Variants in MMEL1 observed in about 807,000 individuals in gnomAD.
MMEL1 encodes the protein membrane metallo-endopeptidase-like 1.
In MMEL1, 98 loss-of-function variants were observed where a neutral mutation model predicts 117.1. The ratio of observed to expected loss-of-function variants is 0.84; its 90% CI spans 0.71 to 0.99. The LOEUF is 0.99. Among genes scored for constraint, MMEL1 ranks in the 50% least tolerant of loss-of-function variants. The pLI, the probability that MMEL1 is intolerant of heterozygous loss-of-function variation, is 0.00. For synonymous variants in MMEL1, 390 were observed against 415.1 expected (o/e 0.94, Z 0.74); for missense variants, 1,014 against 1,049.1 (o/e 0.97, Z 0.46).
chr1:2,621,276 C>A (rs1009688677), intron 2 of MMEL1, among the ~76,000 whole-genome samples: 11 of 152,152 alleles, frequency 7.2e-5, no homozygotes, highest in African/African-American at 9.7e-5. Context: ...CAGAGTGAGA[C>A]CCTGTCTCAA....
intron 6 of MMEL1, among the ~76,000 whole-genome samples, chr1:2,608,335 G>C (rs1344968132): frequency 6.6e-6 from 1 of 152,144 alleles, no homozygotes; most frequent in Non-Finnish European, 1.5e-5. Context: ...CCCCCAAGTG[G>C]AGGAGTTAAA....
At chr1:2,613,908 G>A (rs566747310) in intron 2 of MMEL1, among the ~76,000 whole-genome samples, 2 of 152,258 alleles carry the variant, frequency 1.3e-5, no homozygotes, top group Admixed American at 1.3e-4. Flanking sequence ...CATACTGTCT[G>A]ATTCCAATTA....
chr1:2,597,698 A>C lies in MMEL1; in HGVS notation c.1272+509T>G, dbSNP rs1644864986. Reference sequence around the variant, plus strand: ...GCCCTGGAGCAGCCACAGTGACTACAGGAGCAGCATATCTGACCGCGTCTC... The same window carrying C: ...GCCCTGGAGCAGCCACAGTGACTACCGGAGCAGCATATCTGACCGCGTCTC... On this transcript the variant is annotated intron_variant, in intron 13 of 23. Coordinates refer to ENST00000378412, the MANE Select transcript of MMEL1 (RefSeq NM_033467.4). Among the ~76,000 whole-genome samples the C allele has an allele frequency of 1.3e-5, 2 of 152,082 alleles. 1 individual carries two copies. The highest frequency in any genetic ancestry group is 4.1e-4 in the South Asian group (2 of 4,822).
At chr1:2,604,121 C>CAGG in intron 10 of MMEL1, 26 bp downstream of exon 10, 3 of 1,468,292 alleles carry the variant, frequency 2.0e-6, no homozygotes, top group Non-Finnish European at 2.8e-6. Context: ...TCGCTGCCCG[C>CAGG]TCCCCACCCG....
chr1:2,602,788 T>C (rs1206511310), intron 11 of MMEL1, among the ~76,000 whole-genome samples: 2 of 152,220 alleles, frequency 1.3e-5, no homozygotes, highest in Non-Finnish European at 2.9e-5. Flanking sequence ...GGAACTGCTG[T>C]GTGAGCCACA....
intron 1 of MMEL1, among the ~76,000 whole-genome samples, chr1:2,630,814 G>C (rs1215440852): frequency 6.6e-6 from 1 of 150,492 alleles, no homozygotes; most frequent in Non-Finnish European, 1.5e-5. Context: ...CCTCTCGTGT[G>C]TGCGTGTGCA....
intron 17 of MMEL1, 132 bp from the exon 18 acceptor site, chr1:2,594,575 T>G: frequency 8.4e-7 from 1 of 1,187,494 alleles, no homozygotes; most frequent in Non-Finnish European, 1.2e-6. Context: ...CAAGATCTGG[T>G]TCCTTCCTGG....
intron 11 of MMEL1, among the ~76,000 whole-genome samples, chr1:2,602,643 C>G (rs1267753276): frequency 2.6e-5 from 4 of 152,326 alleles, no homozygotes; most frequent in East Asian, 1.9e-4. Flanking sequence ...GTCATACCCC[C>G]ACTCCTCTCG....
chr1:2,615,873 T>C (rs1645192533), intron 2 of MMEL1, among the ~76,000 whole-genome samples: 1 of 152,178 alleles, frequency 6.6e-6, no homozygotes, highest in South Asian at 2.1e-4. Context: ...GAAGAGATAC[T>C]GACCAATAAA....
At position 2,596,660 on chromosome 1, in the gene MMEL1, C is replaced by T. The variant is rs1447849854; in HGVS notation, c.1302G>A (p.Val434=). Residue 434 remains valine, a synonymous_variant, in exon 14 of 24, where the codon GTG becomes GTA. Transcript: ENST00000378412. ...KALFGTMVEE[V]RWRECVGYVN... is the part of the protein sequence containing the mutation. ...CGTAGCCCACACATTCACGCCAGCG[C>T]ACCTCCTCCACCATTGTGCCAAACA... is the stretch of plus-strand genomic sequence containing the variant. The T allele has an allele frequency of 5.6e-6, 9 of 1,613,068 alleles. No individual in the cohort carries two copies. The highest frequency in any genetic ancestry group is 6.8e-6 in the Non-Finnish European group (8 of 1,179,838).
At chr1:2,608,440 C>T (rs907927593) in intron 6 of MMEL1, among the ~76,000 whole-genome samples, 2 of 152,094 alleles carry the variant, frequency 1.3e-5, no homozygotes, top group African/African-American at 4.8e-5. Context: ...CACACATCCA[C>T]ATACATCCAC....
At chr1:2,603,301 G>A (rs917315645) in intron 11 of MMEL1, among the ~76,000 whole-genome samples, 1 of 152,220 alleles carries the variant, frequency 6.6e-6, no homozygotes, top group African/African-American at 2.4e-5. Flanking sequence ...CCTCCTGGGG[G>A]AGGAGGCCCT....
chr1:2,622,303 G>A (rs1157310697), intron 2 of MMEL1, among the ~76,000 whole-genome samples: 2 of 152,210 alleles, frequency 1.3e-5, no homozygotes, highest in Non-Finnish European at 2.9e-5. Flanking sequence ...TGGGGGTCTT[G>A]CTGAAATACC....
In MMEL1 at chr1:2,595,468, T is replaced by C. The variant is rs1421560674; in HGVS notation, c.1501-109A>G. On this transcript the variant is annotated intron_variant, in intron 15 of 23. Coordinates refer to ENST00000378412, the MANE Select transcript of MMEL1 (RefSeq NM_033467.4). The surrounding 1 kb of genome is among the most constrained non-coding windows in gnomAD (Gnocchi z 4.8). The stretch of plus-strand genomic sequence containing the variant: ...TGGGAGGGGTCAGCCCGGGGCATCC[T>C]GGCTGTGCTCTCCCTGTCCTGTGGT... 2.3e-6 allele frequency: 2 copies of C among 888,156 alleles called. No individual in the cohort carries two copies. Among genetic ancestry groups the C allele is most frequent in the Admixed American group, 3.9e-5 (2 of 51,882 alleles). 55.0% of individuals were successfully genotyped at this position (888,156 alleles called of 1,614,324 possible). A position where few individuals can be genotyped will look rare whatever the true frequency, so the allele number is the denominator to read the frequency against.
intron 1 of MMEL1, among the ~76,000 whole-genome samples, chr1:2,630,718 T>C (rs550478307): frequency 1.3e-5 from 2 of 148,220 alleles, no homozygotes; most frequent in Admixed American, 6.7e-5. Context: ...TGTGTGACTG[T>C]GTGATTGTGC....
At chr1:2,602,238 G>A (rs1644944829) in intron 11 of MMEL1, among the ~76,000 whole-genome samples, 1 of 64,942 alleles carries the variant, frequency 1.5e-5, no homozygotes, top group Non-Finnish European at 2.8e-5. Flanking sequence ...GCAGGGGCAT[G>A]TGGGGGCTTC....
chr1:2,610,491 G>A (rs1394142204), intron 4 of MMEL1, among the ~76,000 whole-genome samples: 1 of 152,210 alleles, frequency 6.6e-6, no homozygotes, highest in Non-Finnish European at 1.5e-5. Flanking sequence ...ACCATGCCCT[G>A]TAAGCCGGGC....
In MMEL1 at chr1:2,612,847, C is replaced by T. The variant is rs543333882; in HGVS notation, c.155-643G>A. Reference sequence around the variant, plus strand: ...GGGTGGGATGGAGAGAAGAGGGGACCCCAGGTCCAGAGAGGTGACAAGCCA... The same window carrying T: ...GGGTGGGATGGAGAGAAGAGGGGACTCCAGGTCCAGAGAGGTGACAAGCCA... On this transcript the variant is annotated intron_variant, in intron 2 of 23. Transcript: ENST00000378412. This position sits in a 1 kb window ranked among gnomAD's most constrained non-coding sequence, Gnocchi z 5.4. 6.6e-6 allele frequency among the ~76,000 whole-genome samples: 1 copy of T among 152,200 alleles called. No homozygotes were observed. The highest frequency in any genetic ancestry group is 1.9e-4 in the East Asian group (1 of 5,152).
At chr1:2,604,635 A>G (rs1644992273) in intron 9 of MMEL1, among the ~76,000 whole-genome samples, 1 of 151,022 alleles carries the variant, frequency 6.6e-6, no homozygotes, top group African/African-American at 2.4e-5. Context: ...TGTGGGTGCC[A>G]GGGTGGTGGG....
Sources: gnomAD v4.1 joint callset for allele counts (sites outside exome capture counted in the v4.1 genomes callset) on GRCh38, gnomAD v4.1.1 for gene constraint, Gnocchi (gnomAD v3.1) non-coding constraint, MANE v1.5 for transcripts, NCBI Gene and HGNC (gene_info 2026-07-23, HGNC 2026-07-21) for gene names.